CFAP107: variants seen among roughly 807,000 people sequenced by gnomAD.
CFAP107 encodes cilia and flagella associated protein 107, also known as cilia- and flagella-associated protein 107.
the CFAP107 span, among the ~76,000 whole-genome samples, chr1:12,759,839 A>G: frequency 6.6e-6 from 1 of 152,172 alleles, no homozygotes; most frequent in Non-Finnish European, 1.5e-5. Flanking sequence ...TGCAATGATA[A>G]CAAACACTGA....
chr1:12,761,209 T>C, the CFAP107 span: 1 of 381,282 alleles, frequency 2.6e-6, no homozygotes, highest in Non-Finnish European at 4.7e-6. Context: ...ATTCAGACTG[T>C]CAGAGAAAAC....
chr1:12,746,301 T>C, the CFAP107 span: 1 of 595,750 alleles, frequency 1.7e-6, no homozygotes, highest in Admixed American at 2.6e-5. Context: ...AGTCATCTAC[T>C]AGCCATTCAG....
At chr1:12,749,241 A>G in the CFAP107 span, among the ~76,000 whole-genome samples, 1 of 152,218 alleles carries the variant, frequency 6.6e-6, no homozygotes, top group Non-Finnish European at 1.5e-5. Context: ...TAAGATATTG[A>G]AACCCAAAAA....
chr1:12,759,691 G>A, the CFAP107 span: 1 of 660,890 alleles, frequency 1.5e-6, no homozygotes, highest in South Asian at 1.7e-5. Context: ...AATCTTGGCT[G>A]TGTAATGAAG....
At chr1:12,749,536 G>A in the CFAP107 span, among the ~76,000 whole-genome samples, 1 of 152,142 alleles carries the variant, frequency 6.6e-6, no homozygotes, top group Non-Finnish European at 1.5e-5. Context: ...ACCTGAGCCT[G>A]GGAGGTGGAG....
chr1:12,750,247 A>C, the CFAP107 span, among the ~76,000 whole-genome samples: 1 of 152,202 alleles, frequency 6.6e-6, no homozygotes, highest in African/African-American at 2.4e-5. Context: ...CACAAAAGAA[A>C]ATAATAAGGG....
chr1:12,750,348 A>G, the CFAP107 span, among the ~76,000 whole-genome samples: 1 of 152,232 alleles, frequency 6.6e-6, no homozygotes, highest in African/African-American at 2.4e-5. Context: ...ACAGAAAACA[A>G]ATACTAAAAT....
At chr1:12,751,423 T>C in the CFAP107 span, among the ~76,000 whole-genome samples, 1 of 152,126 alleles carries the variant, frequency 6.6e-6, no homozygotes, top group African/African-American at 2.4e-5. Context: ...GGTCAGGAGT[T>C]TGAGACCAGC....
chr1:12,756,140 C>T, the CFAP107 span, among the ~76,000 whole-genome samples: 1 of 152,230 alleles, frequency 6.6e-6, no homozygotes, highest in Non-Finnish European at 1.5e-5. Context: ...ACATAAGGCA[C>T]TGCAAAAGCA....
the CFAP107 span, among the ~76,000 whole-genome samples, chr1:12,750,625 A>G: frequency 6.6e-6 from 1 of 152,190 alleles, no homozygotes; most frequent in African/African-American, 2.4e-5. Flanking sequence ...ATTATGAGAC[A>G]AAGAGGGACA....
At chr1:12,759,206 C>T in the CFAP107 span, 2 of 1,330,810 alleles carry the variant, frequency 1.5e-6, no homozygotes, top group Non-Finnish European at 1.1e-6. Flanking sequence ...CCGCTCTCTC[C>T]ATCAGCACCA....
chr1:12,747,096 C>T, the CFAP107 span, among the ~76,000 whole-genome samples: 1 of 150,546 alleles, frequency 6.6e-6, no homozygotes, highest in Admixed American at 6.6e-5. Context: ...GAGACAGAGT[C>T]TCGCTCTGTT....
the CFAP107 span, among the ~76,000 whole-genome samples, chr1:12,749,860 C>G: frequency 6.6e-6 from 1 of 152,100 alleles, no homozygotes; most frequent in Non-Finnish European, 1.5e-5. Flanking sequence ...TAAAGAGAAT[C>G]CTTCAAGTTG....
At chr1:12,759,385 C>T in the CFAP107 span, 1 of 1,614,164 alleles carries the variant, frequency 6.2e-7, no homozygotes, top group Non-Finnish European at 8.5e-7. Flanking sequence ...CTATGACGAC[C>T]ATTACAACCG....
chr1:12,755,663 A>T, the CFAP107 span: 7 of 1,397,600 alleles, frequency 5.0e-6, no homozygotes, highest in African/African-American at 1.4e-5. Context: ...GAGAAGTGGC[A>T]TCTCAGAGGT....
chr1:12,747,239 T>C, the CFAP107 span, among the ~76,000 whole-genome samples: 2 of 151,992 alleles, frequency 1.3e-5, no homozygotes. Flanking sequence ...AGCTAATTTT[T>C]TGTATTTTTA....
chr1:12,759,616 T>C, the CFAP107 span: 1 of 1,031,052 alleles, frequency 9.7e-7, no homozygotes, highest in Non-Finnish European at 1.5e-6. Context: ...GCGGATGACA[T>C]AGTAGGGGCT....
chr1:12,746,465 C>G, the CFAP107 span: 1 of 1,613,742 alleles, frequency 6.2e-7, no homozygotes. Context: ...CAGCCACTCT[C>G]TACTCCGAGC....
the CFAP107 span, chr1:12,759,430 A>G: frequency 6.2e-7 from 1 of 1,614,018 alleles, no homozygotes; most frequent in Non-Finnish European, 8.5e-7. Context: ...TCCACTCCGC[A>G]CTTGGAATGG....
Sources: gnomAD v4.1 joint callset for allele counts (sites outside exome capture counted in the v4.1 genomes callset) on GRCh38, gnomAD v4.1.1 for gene constraint, MANE v1.5 for transcripts, NCBI Gene and HGNC (gene_info 2026-07-23, HGNC 2026-07-21) for gene names.